The following GJA1 variants were observed in gnomAD, a reference collection of about 807,000 sequenced individuals.
The protein encoded by GJA1 is gap junction alpha-1 protein.
A neutral mutation model predicts 31.0 loss-of-function variants in GJA1; 9 were observed. The ratio of observed to expected loss-of-function variants is 0.29; its 90% CI spans 0.17 to 0.51. The LOEUF is 0.51. Among genes scored for constraint, GJA1 ranks in the 20% least tolerant of loss-of-function variants. The pLI, the probability that GJA1 is intolerant of heterozygous loss-of-function variation, is 0.98. For missense variants in GJA1, 278 were observed against 468.8 expected (o/e 0.59, Z 3.76); for synonymous variants, 186 against 180.1 (o/e 1.03, Z -0.26).
chr6:121,445,751 C>T (rs1773876762), intron 1 of GJA1, among the ~76,000 whole-genome samples: 1 of 152,098 alleles, frequency 6.6e-6, no homozygotes, highest in Non-Finnish European at 1.5e-5. Flanking sequence ...CATATAATGA[C>T]ACATTGTAGC....
At chr6:121,446,684 G>A (rs1773894514) in intron 1 of GJA1, 148 bp from the exon 2 acceptor site, 2 of 694,240 alleles carry the variant, frequency 2.9e-6, no homozygotes, top group South Asian at 3.3e-5. Context: ...AAATGGGACA[G>A]GAAGAGTTTG....
chr6:121,442,094 A>G (rs1773803366), intron 1 of GJA1, among the ~76,000 whole-genome samples: 1 of 152,182 alleles, frequency 6.6e-6, no homozygotes, highest in Non-Finnish European at 1.5e-5. Context: ...ATTCTTTCAG[A>G]TATTAAAGTC....
chr6:121,440,684 TG>T (rs1200245479), intron 1 of GJA1, among the ~76,000 whole-genome samples: 1 of 151,828 alleles, frequency 6.6e-6, no homozygotes, highest in African/African-American at 2.4e-5. Context: ...CTATTTTTTG[TG>T]GAAGCCCCAT....
chr6:121,441,552 A>G (rs925826426), intron 1 of GJA1, among the ~76,000 whole-genome samples: 1 of 152,106 alleles, frequency 6.6e-6, no homozygotes, highest in African/African-American at 2.4e-5. Context: ...TAAAATAATA[A>G]TTTTTTAAAA....
At chr6:121,439,823 A>G (rs1038616337) in intron 1 of GJA1, among the ~76,000 whole-genome samples, 2 of 152,196 alleles carry the variant, frequency 1.3e-5, no homozygotes, top group Admixed American at 1.3e-4. Flanking sequence ...ACCTACACAA[A>G]TGTGCAATTA....
chr6:121,447,814 G>T lies in GJA1; in HGVS notation c.967G>T (p.Ala323Ser), dbSNP rs1305303232. ...TGCAGAACAAAATCGAATGGGGCAG[G>T]CGGGAAGCACCATCTCTAACTCCCA... ...YSAEQNRMGQ[A>S]GSTISNSHAQ... The change falls in exon 2 of 2, where the codon GCG (alanine) becomes TCG (serine). Residue 323 changes from alanine (A) to serine (S), a missense_variant. Coordinates refer to ENST00000282561, the MANE Select transcript of GJA1 (RefSeq NM_000165.5). The T allele has an allele frequency of 1.9e-6, 3 of 1,613,862 alleles. No individual in the cohort carries two copies. Among genetic ancestry groups the T allele is most frequent in the Admixed American group, 1.7e-5 (1 of 59,994 alleles).
intron 1 of GJA1, 114 bp downstream of exon 1, chr6:121,435,946 T>C (rs576116232): frequency 3.9e-5 from 6 of 152,268 alleles, no homozygotes; most frequent in Admixed American, 3.3e-4. Context: ...ATACTGTAAA[T>C]GGATTGATGG....
rs562238242 is a variant in GJA1 at position 121,446,541 on chromosome 6, A to G, written c.-16-291A>G. ...GCACAGGTGGCTTCTCAAGTCACAC[A>G]GCAAGGCAGTGGTTGAGCAAGCAAT... On this transcript the variant is annotated intron_variant, in intron 1 of 1. Transcript: ENST00000282561. Among the ~76,000 whole-genome samples the G allele has an allele frequency of 9.8e-5, 15 of 152,358 alleles. No individual in the cohort carries two copies. In the East Asian group the frequency reaches 1.7e-3, roughly 18 times the overall value.
In GJA1 at chr6:121,448,157, C is replaced by T; in HGVS notation, c.*161C>T. On this transcript the variant is annotated 3_prime_UTR_variant, in exon 2 of 2. Transcript: ENST00000282561. Reference sequence around the variant, plus strand: ...AAAGACATTAGAATACCTAGGTTCACTGGGGGTGTATGGGGTAGATGGGTG... The same window carrying T: ...AAAGACATTAGAATACCTAGGTTCATTGGGGGTGTATGGGGTAGATGGGTG... 1 of 713,732 alleles carries T rather than the reference C, an allele frequency of 1.4e-6. No homozygotes were observed. Among genetic ancestry groups the T allele is most frequent in the Non-Finnish European group, 2.6e-6 (1 of 391,926 alleles). The allele number at this position is 713,732 out of a possible 1,614,324, so 44.2% of individuals were successfully genotyped here.
intron 1 of GJA1, among the ~76,000 whole-genome samples, chr6:121,439,511 T>C (rs1307760478): frequency 6.6e-6 from 1 of 152,196 alleles, no homozygotes; most frequent in Non-Finnish European, 1.5e-5. Context: ...AACATGGCTT[T>C]TAGCCTCAGC....
chr6:121,441,552 A>AT, intron 1 of GJA1, among the ~76,000 whole-genome samples: 1 of 152,224 alleles, frequency 6.6e-6, no homozygotes, highest in East Asian at 1.9e-4. Flanking sequence ...TAAAATAATA[A>AT]TTTTTTAAAA....
At chr6:121,444,219 G>A (rs1286804675) in intron 1 of GJA1, among the ~76,000 whole-genome samples, 3 of 152,088 alleles carry the variant, frequency 2.0e-5, no homozygotes, top group Non-Finnish European at 4.4e-5. Flanking sequence ...AATTGATGCT[G>A]TTTTCATACA....
At chr6:121,437,182 C>T (rs1773680850) in intron 1 of GJA1, among the ~76,000 whole-genome samples, 1 of 152,168 alleles carries the variant, frequency 6.6e-6, no homozygotes, top group Non-Finnish European at 1.5e-5. Context: ...GACGTTTCCC[C>T]CAAATCCTCA....
At position 121,448,152 on chromosome 6, in the gene GJA1, G is replaced by T; in HGVS notation, c.*156G>T. ...AACACAAAGACATTAGAATACCTAG[G>T]TTCACTGGGGGTGTATGGGGTAGAT... On this transcript the variant is annotated 3_prime_UTR_variant, in exon 2 of 2. Transcript: ENST00000282561. The T allele has an allele frequency of 1.4e-6, 1 of 724,108 alleles. No individual in the cohort carries two copies. Among genetic ancestry groups the T allele is most frequent in the Admixed American group, 2.0e-5 (1 of 49,016 alleles). The allele number at this position is 724,108 out of a possible 1,614,324, so 44.9% of individuals were successfully genotyped here. A position where few individuals can be genotyped will look rare whatever the true frequency, so the allele number is the denominator to read the frequency against.
Position 121,444,952 on chromosome 6 carries a change from C to A in GJA1, c.-16-1880C>A, listed in dbSNP as rs149356586. Among the ~76,000 whole-genome samples the A allele has an allele frequency of 1.9e-4, 29 of 152,326 alleles. No individual in the cohort carries two copies. In the East Asian group the frequency reaches 5.6e-3, roughly 29 times the overall value. ...CATTTCTAGCTTTAGCGCAGCCTTA[C>A]TGTACTTTTAAAACCAGTGTGAGGC... On this transcript the variant is annotated intron_variant, in intron 1 of 1. Coordinates refer to ENST00000282561, the MANE Select transcript of GJA1 (RefSeq NM_000165.5).
rs544396539 is a variant in GJA1 at position 121,448,119 on chromosome 6, G to A, written c.*123G>A. The A allele has an allele frequency of 9.0e-6, 8 of 886,078 alleles. No homozygotes were observed. The Admixed American group carries it at 1.4e-4, about 15-fold the overall frequency. 54.9% of individuals were successfully genotyped at this position (886,078 alleles called of 1,614,324 possible). ...GGTACTCAACAGCCTTATTCATGAG[G>A]CTTAGAAAACACAAAGACATTAGAA... On this transcript the variant is annotated 3_prime_UTR_variant, in exon 2 of 2. Coordinates refer to ENST00000282561, the MANE Select transcript of GJA1 (RefSeq NM_000165.5).
chr6:121,435,950 T>C (rs1182378816), intron 1 of GJA1, 118 bp downstream of exon 1: 1 of 152,074 alleles, frequency 6.6e-6, no homozygotes, highest in Non-Finnish European at 1.5e-5. Flanking sequence ...TGTAAATGGA[T>C]TGATGGATTT....
chr6:121,437,543 G>T (rs910724665), intron 1 of GJA1, among the ~76,000 whole-genome samples: 1 of 151,944 alleles, frequency 6.6e-6, no homozygotes, highest in African/African-American at 2.4e-5. Context: ...AGAGACCCTC[G>T]GGAAGCTGAT....
chr6:121,441,802 CA>C (rs1318355906), intron 1 of GJA1, among the ~76,000 whole-genome samples: 1 of 152,044 alleles, frequency 6.6e-6, no homozygotes, highest in Non-Finnish European at 1.5e-5. Flanking sequence ...TGAAACCTAG[CA>C]AACTGATGAT....
Sources: gnomAD v4.1 joint callset for allele counts (sites outside exome capture counted in the v4.1 genomes callset) on GRCh38, gnomAD v4.1.1 for gene constraint, MANE v1.5 for transcripts, NCBI Gene and HGNC (gene_info 2026-07-23, HGNC 2026-07-21) for gene names.